FER1L6: variants seen among roughly 807,000 people sequenced by gnomAD.
FER1L6 encodes fer-1 like family member 6, also known as fer-1-like protein 6.
Under a neutral mutation model 219.2 loss-of-function variants are expected in FER1L6, and 177 were observed. The ratio of observed to expected loss-of-function variants is 0.81; its 90% CI spans 0.71 to 0.91. The LOEUF is 0.91. Among genes scored for constraint, FER1L6 ranks in the 40% least tolerant of loss-of-function variants. The probability of loss-of-function intolerance (pLI) is 0.00; values close to 1 mark genes in which losing one functional copy is unlikely to be tolerated. For missense variants in FER1L6, 2,153 were observed against 2,259.9 expected, an observed-to-expected ratio of 0.95 and a Z score of 0.96; for synonymous variants, 768 against 824.3, an observed-to-expected ratio of 0.93 and a Z score of 1.17.
chr8:123,994,283 G>GGGGTCT (rs1297030324), intron 12 of FER1L6, among the ~76,000 whole-genome samples: 2 of 152,178 alleles, frequency 1.3e-5, no homozygotes, highest in African/African-American at 4.8e-5. Context: ...AAAGACAGGT[G>GGGGTCT]GGGTCTGGGT....
intron 22 of FER1L6, among the ~76,000 whole-genome samples, chr8:124,052,800 GAAAC>G (rs770635101): frequency 1.3e-5 from 2 of 151,726 alleles, no homozygotes; most frequent in Admixed American, 6.6e-5. Context: ...AACAAACAAA[GAAAC>G]AAACAAACAA....
intron 12 of FER1L6, among the ~76,000 whole-genome samples, chr8:123,993,178 C>T (rs939397952): frequency 3.2e-4 from 48 of 152,104 alleles, no homozygotes; most frequent in African/African-American, 1.1e-3. Flanking sequence ...CGCGGTGGCT[C>T]ACGCCTGTAA....
At chr8:124,040,943 G>A (rs1819460482) in intron 20 of FER1L6, among the ~76,000 whole-genome samples, 1 of 152,200 alleles carries the variant, frequency 6.6e-6, no homozygotes, top group African/African-American at 2.4e-5. Context: ...AGACAAATAT[G>A]CAAATCATAG....
intron 1 of FER1L6, among the ~76,000 whole-genome samples, chr8:123,938,229 T>G (rs1814080958): frequency 6.6e-6 from 1 of 152,176 alleles, no homozygotes; most frequent in African/African-American, 2.4e-5. Flanking sequence ...CTAACTATGT[T>G]TACACGGGGA....
At chr8:124,052,464 C>A (rs991150544) in intron 22 of FER1L6, among the ~76,000 whole-genome samples, 9 of 152,056 alleles carry the variant, frequency 5.9e-5, no homozygotes, top group Non-Finnish European at 1.0e-4. Context: ...CCAGTCCCTC[C>A]AAATACAGTA....
intron 36 of FER1L6, among the ~76,000 whole-genome samples, 155 bp downstream of exon 36, chr8:124,097,514 A>G (rs964997214): frequency 6.6e-6 from 1 of 152,090 alleles, no homozygotes; most frequent in African/African-American, 2.4e-5. Flanking sequence ...CCCCTGTCTT[A>G]AGGGAGGGGC....
In FER1L6 at chr8:124,064,273, C is replaced by A. The variant is rs1820725567; in HGVS notation, c.3329-74C>A. 1.4e-5 allele frequency: 16 copies of A among 1,106,312 alleles called. No individual in the cohort carries two copies. In the South Asian group the frequency reaches 1.6e-4, roughly 11 times the overall value. The allele number at this position is 1,106,312 out of a possible 1,614,324, so 68.5% of individuals were successfully genotyped here. On this transcript the variant is annotated intron_variant, in intron 25 of 40. Coordinates refer to ENST00000522917, the MANE Select transcript of FER1L6 (RefSeq NM_001039112.2). Reference sequence around the variant, plus strand: ...TATTTGAATCCGAATCTGTCTGATTCCTAGTATTAGGTCCCTGAAACGACC... The same window carrying A: ...TATTTGAATCCGAATCTGTCTGATTACTAGTATTAGGTCCCTGAAACGACC...
At chr8:124,010,281 A>G (rs1448661490) in intron 13 of FER1L6, among the ~76,000 whole-genome samples, 1 of 152,094 alleles carries the variant, frequency 6.6e-6, no homozygotes, top group African/African-American at 2.4e-5. Flanking sequence ...AATTAAATTA[A>G]TTAAATAAAA....
intron 39 of FER1L6, among the ~76,000 whole-genome samples, chr8:124,113,763 C>T (rs758960757): frequency 6.6e-6 from 1 of 152,180 alleles, no homozygotes; most frequent in Non-Finnish European, 1.5e-5. Flanking sequence ...ATTCTCTATC[C>T]TCTGTATTTC....
intron 25 of FER1L6, among the ~76,000 whole-genome samples, chr8:124,063,744 G>A (rs2130839706): frequency 6.6e-6 from 1 of 152,292 alleles, no homozygotes; most frequent in East Asian, 1.9e-4. Flanking sequence ...GGAGTCTGTG[G>A]CAGCCATGGG....
At chr8:123,854,301 T>C (rs1220107730) in intron 1 of FER1L6, among the ~76,000 whole-genome samples, 1 of 152,196 alleles carries the variant, frequency 6.6e-6, no homozygotes, top group Non-Finnish European at 1.5e-5. Context: ...AGGGTGTTGA[T>C]ACCCTCTAGA....
chr8:124,029,761 T>C lies in FER1L6; in HGVS notation c.2287-5516T>C, dbSNP rs28468649. Among the ~76,000 whole-genome samples the C allele has an allele frequency of 2.9e-3, 439 of 152,336 alleles. 4 individuals carry two copies. Among genetic ancestry groups the C allele is most frequent in the African/African-American group, 0.01 (426 of 41,590 alleles). ...TTTCTTTTGCTTTGAAGAAGCTCTT[T>C]AGTTTAATTAGATCTCATTTGTCAA... is the stretch of plus-strand genomic sequence containing the variant. On this transcript the variant is annotated intron_variant, in intron 18 of 40. Coordinates refer to ENST00000522917, the MANE Select transcript of FER1L6 (RefSeq NM_001039112.2).
chr8:123,972,966 C>T (rs1328051429), intron 6 of FER1L6, among the ~76,000 whole-genome samples: 1 of 152,184 alleles, frequency 6.6e-6, no homozygotes, highest in Non-Finnish European at 1.5e-5. Context: ...AGGGTGATTA[C>T]CTCCTTTGTT....
intron 22 of FER1L6, among the ~76,000 whole-genome samples, chr8:124,059,735 T>G (rs1820473576): frequency 6.6e-6 from 1 of 152,186 alleles, no homozygotes; most frequent in Non-Finnish European, 1.5e-5. Flanking sequence ...AGTATTAGTA[T>G]TAGTAGCAGT....
intron 1 of FER1L6, among the ~76,000 whole-genome samples, chr8:123,953,396 T>C (rs1417539477): frequency 6.6e-6 from 1 of 152,180 alleles, no homozygotes. Flanking sequence ...GTAGAGTAAT[T>C]AAAGATCTCT....
intron 1 of FER1L6, among the ~76,000 whole-genome samples, chr8:123,885,922 C>T (rs1817193565): frequency 6.6e-6 from 1 of 152,234 alleles, no homozygotes; most frequent in South Asian, 2.1e-4. Flanking sequence ...CTCATACACA[C>T]TTGCTCCTAA....
intron 32 of FER1L6, among the ~76,000 whole-genome samples, chr8:124,078,232 G>T (rs1821377676): frequency 6.6e-6 from 1 of 152,106 alleles, no homozygotes; most frequent in Non-Finnish European, 1.5e-5. Flanking sequence ...TGAACAAAAT[G>T]CCAGTCAGTT....
chr8:124,045,680 C>T (rs1819694385), intron 20 of FER1L6, 87 bp from the exon 21 acceptor site: 5 of 1,395,880 alleles, frequency 3.6e-6, no homozygotes, highest in Admixed American at 3.5e-5. Context: ...GTTCTCTTTC[C>T]CCTGTATAAG....
intron 37 of FER1L6, 119 bp downstream of exon 37, chr8:124,098,002 TAC>T: frequency 1.8e-6 from 1 of 551,580 alleles, no homozygotes; most frequent in Non-Finnish European, 3.3e-6. Flanking sequence ...TGAGCCATCT[TAC>T]TTTTAAGGCC....
Sources: allele counts gnomAD v4.1 joint callset (sites outside exome capture counted in the v4.1 genomes callset), GRCh38; gene constraint gnomAD v4.1.1; transcripts MANE v1.5; gene names NCBI Gene and HGNC (gene_info 2026-07-23, HGNC 2026-07-21).